FSTL1: variants seen among roughly 807,000 people sequenced by gnomAD.
FSTL1 encodes the protein follistatin like 1.
FSTL1 carries 24 observed loss-of-function variants against 45.9 expected under a neutral mutation model. The observed-to-expected ratio is 0.52, with a 90% CI of 0.38 to 0.74. The LOEUF (loss-of-function observed/expected upper bound fraction) is 0.74. FSTL1 is among the 30% of genes least tolerant of loss of function. The pLI is 0.00. For synonymous variants in FSTL1, 120 were observed against 137.6 expected (o/e 0.87, Z 0.89); for missense variants, 340 against 381.8 (o/e 0.89, Z 0.91).
At chr3:120,424,099 G>T (rs748136833) in intron 2 of FSTL1, 7 of 152,232 alleles carry the variant, frequency 4.6e-5, no homozygotes, top group Admixed American at 1.3e-4. Flanking sequence ...AACAAAAAAA[G>T]AGAACGGTCT....
Position 120,393,081 on chromosome 3 carries a change from G to C in FSTL1, c.*3871C>G, listed in dbSNP as rs897100354. On this transcript the variant is annotated 3_prime_UTR_variant, in exon 11 of 11. Coordinates refer to ENST00000295633, the MANE Select transcript of FSTL1 (RefSeq NM_007085.5). The stretch of plus-strand genomic sequence containing the variant: ...GGGAAGTTAGCCAAAATTTAAAAGT[G>C]GTTGTGGACAAGGTACCCTTCAAAC... The C allele has an allele frequency of 6.6e-6, 1 of 152,140 alleles. No individual in the cohort carries two copies. The highest frequency in any genetic ancestry group is 2.4e-5 in the African/African-American group (1 of 41,422). 9.4% of individuals were successfully genotyped at this position (152,140 alleles called of 1,614,324 possible).
At chr3:120,421,370 C>G (rs1256495491) in intron 2 of FSTL1, 1 of 152,178 alleles carries the variant, frequency 6.6e-6, no homozygotes, top group Non-Finnish European at 1.5e-5. Context: ...TTTGCTTTGC[C>G]AGAATTAGTC....
intron 2 of FSTL1, chr3:120,438,535 CCTAT>C (rs1937594266): frequency 6.6e-6 from 1 of 152,198 alleles, no homozygotes; most frequent in Admixed American, 6.5e-5. Flanking sequence ...CTTGAGCCAG[CCTAT>C]CTTTCAAACT....
intron 2 of FSTL1, among the ~76,000 whole-genome samples, chr3:120,427,430 T>A (rs1010779159): frequency 1.2e-4 from 19 of 152,176 alleles, no homozygotes; most frequent in Non-Finnish European, 4.4e-5. Flanking sequence ...GCCACTCCAT[T>A]AACCTTTGTT....
intron 2 of FSTL1, among the ~76,000 whole-genome samples, chr3:120,418,468 T>C (rs1320982857): frequency 1.3e-5 from 2 of 152,226 alleles, no homozygotes; most frequent in African/African-American, 4.8e-5. Context: ...TAGACATCAT[T>C]ACTAGCCCCA....
At chr3:120,400,913 G>A (rs952551940) in intron 9 of FSTL1, among the ~76,000 whole-genome samples, 1 of 152,204 alleles carries the variant, frequency 6.6e-6, no homozygotes, top group South Asian at 2.1e-4. Context: ...TCTGGACTTG[G>A]TCATCCAGGG....
At chr3:120,414,045 G>A (rs1440847381) in intron 3 of FSTL1, among the ~76,000 whole-genome samples, 1 of 151,856 alleles carries the variant, frequency 6.6e-6, no homozygotes. Flanking sequence ...GGCCTCCCGA[G>A]GTGCCGGGAT....
chr3:120,442,387 C>A (rs1183770002), intron 2 of FSTL1, among the ~76,000 whole-genome samples: 1 of 95,218 alleles, frequency 1.1e-5, no homozygotes, highest in Non-Finnish European at 3.2e-5. Context: ...TAAAAAGGTG[C>A]CCAGAAAAGG....
At chr3:120,412,872 ACACT>A (rs1937100165) in intron 3 of FSTL1, among the ~76,000 whole-genome samples, 8 of 150,250 alleles carry the variant, frequency 5.3e-5, no homozygotes, top group Admixed American at 5.3e-4. Flanking sequence ...ACACACACAC[ACACT>A]CCAATTCTTC....
At chr3:120,447,465 G>A (rs994320803) in intron 2 of FSTL1, among the ~76,000 whole-genome samples, 16 of 152,142 alleles carry the variant, frequency 1.1e-4, no homozygotes, top group Non-Finnish European at 1.3e-4. Context: ...GCATGGGTGT[G>A]TGTGCTCAGG....
At chr3:120,445,291 TAGTA>T (rs1239532827) in intron 2 of FSTL1, among the ~76,000 whole-genome samples, 3 of 149,898 alleles carry the variant, frequency 2.0e-5, no homozygotes, top group Admixed American at 6.6e-5. Context: ...AACATCCAAA[TAGTA>T]AGTCTCATAT....
intron 2 of FSTL1, among the ~76,000 whole-genome samples, chr3:120,440,001 C>A (rs1174760245): frequency 6.6e-6 from 1 of 152,144 alleles, no homozygotes; most frequent in African/African-American, 2.4e-5. Flanking sequence ...GTAGTCCCAG[C>A]TACTCTGGAG....
intron 2 of FSTL1, among the ~76,000 whole-genome samples, chr3:120,447,170 C>T (rs891191406): frequency 4.6e-5 from 7 of 152,118 alleles, no homozygotes; most frequent in South Asian, 2.1e-4. Context: ...CACACACTAC[C>T]GCCTGTGTTC....
intron 2 of FSTL1, among the ~76,000 whole-genome samples, chr3:120,444,929 A>G (rs956703100): frequency 4.0e-5 from 6 of 149,882 alleles, no homozygotes; most frequent in African/African-American, 1.3e-4. Flanking sequence ...CAGCTGTTCC[A>G]TGATTTATTT....
chr3:120,414,462 G>A (rs1937149733), intron 3 of FSTL1, among the ~76,000 whole-genome samples: 1 of 151,964 alleles, frequency 6.6e-6, no homozygotes, highest in Non-Finnish European at 1.5e-5. Flanking sequence ...GAGCCCCTCT[G>A]CCCGGCCACC....
chr3:120,449,751 T>A (rs960552577), intron 2 of FSTL1, among the ~76,000 whole-genome samples: 7 of 152,110 alleles, frequency 4.6e-5, no homozygotes, highest in African/African-American at 1.2e-4. Flanking sequence ...AGGAAAAAAT[T>A]CAAACAGGGA....
At chr3:120,402,657 G>T in intron 9 of FSTL1, 151 bp downstream of exon 9, 1 of 615,498 alleles carries the variant, frequency 1.6e-6, no homozygotes. Context: ...CTCCCCACTT[G>T]GGGCTCCAAC....
intron 10 of FSTL1, 86 bp from the exon 11 acceptor site, chr3:120,397,082 G>T: frequency 1.9e-6 from 2 of 1,039,962 alleles, no homozygotes; most frequent in Non-Finnish European, 3.0e-6. Flanking sequence ...TATAGCATTG[G>T]CATTTACAAG....
chr3:120,425,273 G>A (rs570175470), intron 2 of FSTL1, among the ~76,000 whole-genome samples: 26 of 151,932 alleles, frequency 1.7e-4, no homozygotes, highest in East Asian at 1.4e-3. Context: ...AGAGAATTGG[G>A]AGGAAAACCA....
Sources: allele counts gnomAD v4.1 joint callset (sites outside exome capture counted in the v4.1 genomes callset), GRCh38; gene constraint gnomAD v4.1.1; transcripts MANE v1.5; gene names NCBI Gene and HGNC (gene_info 2026-07-23, HGNC 2026-07-21).